The following PCDH15 variants were observed in gnomAD, a reference collection of about 807,000 sequenced individuals.
PCDH15 encodes the protein protocadherin-15.
A neutral mutation model predicts 178.5 loss-of-function variants in PCDH15; 129 were observed. That is an observed-to-expected ratio of 0.72 (90% CI 0.63 to 0.84). The LOEUF (loss-of-function observed/expected upper bound fraction) is 0.84, where lower values mean the gene tolerates loss of function less well. Among genes scored for constraint, PCDH15 ranks in the 40% least tolerant of loss-of-function variants. The pLI is 0.00. For missense variants in PCDH15, 2,230 were observed against 2,099.9 expected (o/e 1.06, Z -1.21); for synonymous variants, 800 against 732.0 (o/e 1.09, Z -1.50).
rs552969144 is a variant in PCDH15 at position 53,895,119 on chromosome 10, G to A, written c.3501+8124C>T. Among the ~76,000 whole-genome samples the A allele has an allele frequency of 3.3e-5, 5 of 152,152 alleles. No homozygotes were observed. The South Asian group carries it at 1.0e-3, about 32-fold the overall frequency. On this transcript the variant is annotated intron_variant, in intron 26 of 37. Coordinates refer to ENST00000644397, the MANE Select transcript of PCDH15 (RefSeq NM_001384140.1). ...TGGAGATGTTTTACCTAAGACCCAG[G>A]TGAGCAGGTATAGGGCTAGAGACCA...
chr10:53,898,531 C>G (rs1249038013), intron 26 of PCDH15, among the ~76,000 whole-genome samples: 1 of 152,148 alleles, frequency 6.6e-6, no homozygotes, highest in East Asian at 1.9e-4. Context: ...GACACAGATA[C>G]CCAGCATGAA....
At chr10:55,492,685 G>A (rs775916639) in intron 2 of PCDH15, among the ~76,000 whole-genome samples, 15 of 151,668 alleles carry the variant, frequency 9.9e-5, no homozygotes, top group Admixed American at 1.3e-4. Flanking sequence ...ACGAGTGCAC[G>A]GGGAAAAAAT....
intron 2 of PCDH15, among the ~76,000 whole-genome samples, chr10:55,493,059 C>A (rs185682895): frequency 6.6e-6 from 1 of 151,510 alleles, no homozygotes. Context: ...CAGAGAAATG[C>A]GGTATACCAG....
intron 8 of PCDH15, among the ~76,000 whole-genome samples, chr10:54,237,278 C>T (rs1052185475): frequency 6.6e-6 from 1 of 152,052 alleles, no homozygotes; most frequent in African/African-American, 2.4e-5. Context: ...GTAATGTTTT[C>T]TCTTTGCTTT....
At chr10:54,922,993 G>C (rs370789882) in intron 2 of PCDH15, among the ~76,000 whole-genome samples, 217 of 152,242 alleles carry the variant, frequency 1.4e-3, no homozygotes, top group African/African-American at 4.8e-3. Context: ...GGTTCCATGA[G>C]GACTCCACCC....
At chr10:54,973,807 G>A (rs1481803772) in intron 2 of PCDH15, among the ~76,000 whole-genome samples, 2 of 151,924 alleles carry the variant, frequency 1.3e-5, no homozygotes, top group Non-Finnish European at 2.9e-5. Flanking sequence ...CCAAATAGTG[G>A]TAAACATATA....
chr10:55,213,064 C>T (rs1391410972), intron 1 of PCDH15, among the ~76,000 whole-genome samples: 1 of 152,078 alleles, frequency 6.6e-6, no homozygotes, highest in Non-Finnish European at 1.5e-5. Context: ...CATATAAAGA[C>T]ATGATTAAAA....
At chr10:54,102,001 A>G (rs1180958874) in intron 15 of PCDH15, among the ~76,000 whole-genome samples, 1 of 152,124 alleles carries the variant, frequency 6.6e-6, no homozygotes, top group African/African-American at 2.4e-5. Flanking sequence ...TCATAATAGT[A>G]ATATAAATAA....
intron 1 of PCDH15, among the ~76,000 whole-genome samples, chr10:54,747,831 A>T (rs1945665750): frequency 7.6e-6 from 1 of 131,290 alleles, no homozygotes; most frequent in South Asian, 2.4e-4. Flanking sequence ...TTTGAGACGG[A>T]GTCTCGCTCT....
At chr10:55,627,861 T>C in intron 1 of PCDH15, 1 of 152,546 alleles carries the variant, frequency 6.6e-6, no homozygotes, top group East Asian at 1.9e-4. Flanking sequence ...CTTCTGCGCC[T>C]TACCCAGCTC....
rs987427233 is a variant in PCDH15 at position 55,105,745 on chromosome 10, T to G, written c.-80+60831A>C. On this transcript the variant is annotated intron_variant, in intron 2 of 5. Coordinates refer to the PCDH15 transcript ENST00000458638. Reference sequence around the variant, plus strand: ...TCTCCTAAACAGAAGAGTGCTCTTCTGTTGTGTGTTTACCTGCATGTGTAA... The same window carrying G: ...TCTCCTAAACAGAAGAGTGCTCTTCGGTTGTGTGTTTACCTGCATGTGTAA... 9.9e-5 allele frequency among the ~76,000 whole-genome samples: 15 copies of G among 152,176 alleles called. 1 individual carries two copies. The highest frequency in any genetic ancestry group is 9.2e-4 in the Admixed American group (14 of 15,284).
At chr10:55,204,343 T>TACAC (rs976611753) in intron 1 of PCDH15, among the ~76,000 whole-genome samples, 25 of 151,232 alleles carry the variant, frequency 1.7e-4, no homozygotes, top group African/African-American at 6.1e-4. Context: ...TGTTTACATA[T>TACAC]ACACACATGT....
intron 2 of PCDH15, among the ~76,000 whole-genome samples, chr10:54,926,611 T>C (rs1170622532): frequency 1.3e-5 from 2 of 152,034 alleles, no homozygotes; most frequent in Non-Finnish European, 2.9e-5. Flanking sequence ...GTAGGCTATT[T>C]ATAACTGATT....
intron 2 of PCDH15, among the ~76,000 whole-genome samples, chr10:54,905,247 TTAA>T (rs1247449426): frequency 5.3e-5 from 8 of 152,084 alleles, no homozygotes; most frequent in Non-Finnish European, 1.2e-4. Flanking sequence ...TCAACAGGGA[TTAA>T]TAATAATAAT....
chr10:54,908,747 CAG>C (rs1405955513), intron 2 of PCDH15, among the ~76,000 whole-genome samples: 1 of 152,124 alleles, frequency 6.6e-6, no homozygotes, highest in East Asian at 1.9e-4. Flanking sequence ...CAGCTCTCAG[CAG>C]AGAGGGTAGC....
intron 1 of PCDH15, among the ~76,000 whole-genome samples, chr10:55,316,046 A>T (rs1463123257): frequency 6.6e-6 from 1 of 152,164 alleles, no homozygotes; most frequent in Non-Finnish European, 1.5e-5. Context: ...AAAAAATACA[A>T]AATGTTTCTA....
chr10:54,152,999 G>T, intron 14 of PCDH15, 101 bp downstream of exon 14: 4 of 1,299,706 alleles, frequency 3.1e-6, no homozygotes, highest in Non-Finnish European at 3.3e-6. Context: ...ATCTAATTTA[G>T]ATGTTTATAG....
At chr10:54,059,574 C>T (rs555292787) in intron 18 of PCDH15, among the ~76,000 whole-genome samples, 67 of 152,268 alleles carry the variant, frequency 4.4e-4, no homozygotes, top group African/African-American at 1.3e-3. Flanking sequence ...AATGGCAGAG[C>T]TCACTAAAAC....
intron 2 of PCDH15, among the ~76,000 whole-genome samples, chr10:55,015,522 G>A (rs184983250): frequency 3.9e-5 from 6 of 152,246 alleles, no homozygotes; most frequent in East Asian, 3.9e-4. Context: ...AAAAATAAGC[G>A]AGGATAGGTC....
Sources: gnomAD v4.1 joint callset for allele counts (sites outside exome capture counted in the v4.1 genomes callset) on GRCh38, gnomAD v4.1.1 for gene constraint, MANE v1.5 for transcripts, NCBI Gene and HGNC (gene_info 2026-07-23, HGNC 2026-07-21) for gene names.